AFF4: variants seen among roughly 807,000 people sequenced by gnomAD.
The protein encoded by AFF4 is AF4/FMR2 family member 4.
In AFF4, 13 loss-of-function variants were observed where a neutral mutation model predicts 124.8. That is an observed-to-expected ratio of 0.10 (90% CI 0.07 to 0.17). The LOEUF is 0.17. Ranked by LOEUF, AFF4 falls within the 10% of genes least tolerant of loss-of-function variation. The pLI is 1.00. For missense variants in AFF4, 1,092 were observed against 1,403.8 expected, an observed-to-expected ratio of 0.78 and a Z score of 3.55; for synonymous variants, 477 against 496.1, an observed-to-expected ratio of 0.96 and a Z score of 0.51.
chr5:132,955,795 A>AAAAAAT (rs1554079227), intron 1 of AFF4, among the ~76,000 whole-genome samples: 6 of 117,552 alleles, frequency 5.1e-5, no homozygotes, highest in African/African-American at 2.2e-4. Context: ...AAAAAAAAAA[A>AAAAAAT]ATATATATAT....
intron 1 of AFF4, among the ~76,000 whole-genome samples, chr5:132,951,526 CTTTTCT>C (rs1262820736): frequency 6.6e-6 from 1 of 152,056 alleles, no homozygotes; most frequent in African/African-American, 2.4e-5. Flanking sequence ...TCAGGAATTT[CTTTTCT>C]TTTTCTTTTT....
At chr5:132,962,305 G>A (rs985283630) in intron 1 of AFF4, among the ~76,000 whole-genome samples, 12 of 152,112 alleles carry the variant, frequency 7.9e-5, no homozygotes, top group Non-Finnish European at 2.9e-5. Flanking sequence ...CTATAGCTTA[G>A]ATTCCATCAA....
intron 8 of AFF4, 59 bp from the exon 9 acceptor site, chr5:132,899,200 G>C: frequency 6.6e-7 from 1 of 1,505,242 alleles, no homozygotes; most frequent in Non-Finnish European, 9.2e-7. Context: ...TATTTGCTTA[G>C]TGTGAATAAT....
intron 1 of AFF4, among the ~76,000 whole-genome samples, chr5:132,962,184 G>C (rs1762094810): frequency 6.6e-6 from 1 of 152,174 alleles, no homozygotes; most frequent in Non-Finnish European, 1.5e-5. Context: ...GTTTTAAAAA[G>C]CACTTTATGA....
rs753431397 is a variant in AFF4 at position 132,934,231 on chromosome 5, T to C, written c.834A>G (p.Gln278=). The C allele has an allele frequency of 1.2e-6, 2 of 1,614,048 alleles. No individual in the cohort carries two copies. Among genetic ancestry groups the C allele is most frequent in the Non-Finnish European group, 1.7e-6 (2 of 1,180,044 alleles). ...PKLSSEHYSS[Q]SHGNSMTELK... is the part of the protein sequence containing the mutation. ...GCTCAGTCATGCTGTTGCCATGGGA[T>C]TGGCTGCTGTAGTGCTCAGAGGACA... The change falls in exon 3 of 21, where the codon CAA becomes CAG. Residue 278 remains glutamine (Q), a synonymous_variant. Transcript: ENST00000265343.
chr5:132,946,675 T>C (rs528034222), intron 1 of AFF4, among the ~76,000 whole-genome samples: 1 of 152,214 alleles, frequency 6.6e-6, no homozygotes, highest in Non-Finnish European at 1.5e-5. Context: ...GAGGTTCTGT[T>C]TGGGATGATG....
chr5:132,902,116 C>T (rs1450708701), intron 7 of AFF4, among the ~76,000 whole-genome samples: 4 of 152,262 alleles, frequency 2.6e-5, no homozygotes, highest in Non-Finnish European at 4.4e-5. Context: ...GGCACGATCT[C>T]GGCTCCCTAC....
chr5:132,932,238 A>G lies in AFF4; in HGVS notation c.919-16T>C. ...AAGCTGATGCCTTGAAAGAAAAAGC[A>G]GCACACATTAGATTTTTATCAGTAG... On this transcript the variant is annotated splice_polypyrimidine_tract_variant and intron_variant, in intron 3 of 20. Coordinates refer to ENST00000265343, the MANE Select transcript of AFF4 (RefSeq NM_014423.4). 2 of 1,601,032 alleles carry G rather than the reference A, an allele frequency of 1.2e-6. No individual in the cohort carries two copies. The highest frequency in any genetic ancestry group is 1.3e-5 in the African/African-American group (1 of 74,494).
intron 1 of AFF4, among the ~76,000 whole-genome samples, chr5:132,957,932 T>A (rs2150115127): frequency 6.6e-6 from 1 of 151,986 alleles, no homozygotes; most frequent in Admixed American, 6.6e-5. Flanking sequence ...AACTTATAGA[T>A]TAAAAGAAAA....
chr5:132,896,233 A>G, intron 11 of AFF4, 90 bp downstream of exon 11: 2 of 1,448,458 alleles, frequency 1.4e-6, no homozygotes, highest in African/African-American at 1.4e-5. Flanking sequence ...ACAGCTTATG[A>G]CCCACCTTGT....
rs1191469419 is a variant in AFF4 at position 132,883,553 on chromosome 5, C to T, written c.3151G>A (p.Val1051Met). 1 of 1,613,300 alleles carries T rather than the reference C, an allele frequency of 6.2e-7. No homozygotes were observed. The change falls in exon 20 of 21, where the codon GTG becomes ATG. Residue 1051 changes from valine (V) to methionine (M), a missense_variant. Val to Met is a conservative substitution (Grantham distance 21). Coordinates refer to ENST00000265343, the MANE Select transcript of AFF4 (RefSeq NM_014423.4). ...GGAGAAACAGGGGAAGGCATCCCCACAGCTTTGCTACACAACAGAAATAGG... is the reference window on the plus strand; with the variant it reads ...GGAGAAACAGGGGAAGGCATCCCCATAGCTTTGCTACACAACAGAAATAGG... The part of the protein sequence containing the change: ...APSPGLGSKA[V>M]GMPSPVSPKL...
chr5:132,949,702 G>A (rs57221392), intron 1 of AFF4, among the ~76,000 whole-genome samples: 22,874 of 131,964 alleles, frequency 0.17, 1,808 homozygotes, highest in African/African-American at 0.24. Context: ...ACACACACAC[G>A]CGCGCGCGCG....
At position 132,878,466 on chromosome 5, in the gene AFF4, C is replaced by A; in HGVS notation, c.*2593G>T. On this transcript the variant is annotated 3_prime_UTR_variant, in exon 21 of 21. Transcript: ENST00000265343. ...AAATGCTTAGAAAACACTGAGGACA[C>A]CTATTGAGGAGGGAGGGGGGAAGGT... The A allele has an allele frequency of 4.3e-6, 1 of 232,294 alleles. No individual in the cohort carries two copies. The highest frequency in any genetic ancestry group is 8.5e-6 in the Non-Finnish European group (1 of 117,196). The allele number at this position is 232,294 out of a possible 1,614,324, so 14.4% of individuals were successfully genotyped here.
In AFF4 at chr5:132,880,911, G is replaced by T; in HGVS notation, c.*148C>A. 1.0e-6 allele frequency: 1 copy of T among 984,132 alleles called. No individual in the cohort carries two copies. Among genetic ancestry groups the T allele is most frequent in the Non-Finnish European group, 1.4e-6 (1 of 692,868 alleles). 61.0% of individuals were successfully genotyped at this position (984,132 alleles called of 1,614,324 possible). On this transcript the variant is annotated 3_prime_UTR_variant, in exon 21 of 21. Coordinates refer to ENST00000265343, the MANE Select transcript of AFF4 (RefSeq NM_014423.4). ...AGGGCCAACTGACATGATCGCTTTG[G>T]ATTATCAAAAACAACAACACATGAA...
rs2150058720 is a variant in AFF4, at chr5:132,877,705, A to G, written c.*3354T>C. On this transcript the variant is annotated 3_prime_UTR_variant, in exon 21 of 21. Coordinates refer to ENST00000265343, the MANE Select transcript of AFF4 (RefSeq NM_014423.4). ...GCCTCTAGAGCCAGAACTTTCATTTATAACAAGTGCCTTTTGTAGGCTCTT... is the reference window on the plus strand; with the variant it reads ...GCCTCTAGAGCCAGAACTTTCATTTGTAACAAGTGCCTTTTGTAGGCTCTT... 9.4e-6 allele frequency: 2 copies of G among 211,670 alleles called. No individual in the cohort carries two copies. The highest frequency in any genetic ancestry group is 1.4e-4 in the East Asian group (2 of 14,168). The allele number at this position is 211,670 out of a possible 1,614,324, so 13.1% of individuals were successfully genotyped here. A position where few individuals can be genotyped will look rare whatever the true frequency, so the allele number is the denominator to read the frequency against.
At chr5:132,923,933 A>C (rs971858199) in intron 5 of AFF4, among the ~76,000 whole-genome samples, 1 of 152,142 alleles carries the variant, frequency 6.6e-6, no homozygotes, top group Non-Finnish European at 1.5e-5. Flanking sequence ...TGGTGTTTCC[A>C]TATAATAAAA....
intron 5 of AFF4, among the ~76,000 whole-genome samples, chr5:132,912,229 C>A (rs1254823099): frequency 6.6e-6 from 1 of 151,408 alleles, no homozygotes; most frequent in African/African-American, 2.4e-5. Context: ...CTTGTAATCC[C>A]AGCTACTCCA....
chr5:132,892,448 CA>C, intron 12 of AFF4, 44 bp from the exon 13 acceptor site: 5 of 1,555,348 alleles, frequency 3.2e-6, no homozygotes, highest in Non-Finnish European at 4.3e-6. Flanking sequence ...CACAGTAATA[CA>C]GGGGTAATTG....
At chr5:132,907,591 T>C (rs1430846302) in intron 5 of AFF4, among the ~76,000 whole-genome samples, 1 of 152,094 alleles carries the variant, frequency 6.6e-6, no homozygotes, top group Admixed American at 6.5e-5. Context: ...TGTGCATGCA[T>C]GTGTACCTGT....
Sources: allele counts gnomAD v4.1 joint callset (sites outside exome capture counted in the v4.1 genomes callset), GRCh38; gene constraint gnomAD v4.1.1; transcripts MANE v1.5; gene names NCBI Gene and HGNC (gene_info 2026-07-23, HGNC 2026-07-21).